Variants in CAMTA1 observed in about 807,000 individuals in gnomAD.
CAMTA1 encodes the protein calmodulin-binding transcription activator 1.
In CAMTA1, 27 loss-of-function variants were observed where a neutral mutation model predicts 170.9. That is an observed-to-expected ratio of 0.16 (90% CI 0.12 to 0.22). CAMTA1 has a LOEUF of 0.22. Among genes scored for constraint, CAMTA1 ranks in the 10% least tolerant of loss-of-function variants. The pLI, the probability that CAMTA1 is intolerant of heterozygous loss-of-function variation, is 1.00. For missense variants in CAMTA1, 1,619 were observed against 2,217.2 expected (o/e 0.73, Z 5.42); for synonymous variants, 833 against 891.5 (o/e 0.93, Z 1.17).
At position 7,310,700 on chromosome 1, in the gene CAMTA1, C is replaced by CTCTTTCTT. The variant is rs71571885; in HGVS notation, c.438+61112_438+61119dup. Among the ~76,000 whole-genome samples the CTCTTTCTT allele has an allele frequency of 8.8e-3, 464 of 52,720 alleles. 7 individuals are homozygous for CTCTTTCTT. Among genetic ancestry groups the CTCTTTCTT allele is most frequent in the Non-Finnish European group, 9.9e-3 (307 of 31,032 alleles). 34.6% of individuals were successfully genotyped at this position (52,720 alleles called of 152,430 possible). On this transcript the variant is annotated intron_variant, in intron 5 of 22. Transcript: ENST00000303635. ...TCTTTCTCTCTCTCTCTCTCTCTCT[C>CTCTTTCTT]TCTTTCTTTCTTTCTTTCTTTCTTT...
chr1:6,994,965 G>T (rs115166179), intron 3 of CAMTA1, among the ~76,000 whole-genome samples: 95 of 152,204 alleles, frequency 6.2e-4, no homozygotes, highest in Admixed American at 1.2e-3. Flanking sequence ...CATTGCACCC[G>T]GCCCGAGCTT....
chr1:7,005,048 A>G (rs1698783073), intron 3 of CAMTA1, among the ~76,000 whole-genome samples: 1 of 152,240 alleles, frequency 6.6e-6, no homozygotes, highest in Non-Finnish European at 1.5e-5. Context: ...CTGGGATTAC[A>G]GGTATGAACC....
chr1:7,680,991 G>A lies in CAMTA1; in HGVS notation c.2914+3258G>A, dbSNP rs1317660223. 6.8e-6 allele frequency among the ~76,000 whole-genome samples: 1 copy of A among 146,880 alleles called. No individual in the cohort carries two copies. Among genetic ancestry groups the A allele is most frequent in the Admixed American group, 6.8e-5 (1 of 14,796 alleles). ...GGGCGATCGTCCCCACGTTGGGGCC[G>A]GGGGGCAGGGACCCGACGTCCCCAA... On this transcript the variant is annotated intron_variant, in intron 11 of 22. Transcript: ENST00000303635. This position sits in a 1 kb window ranked among gnomAD's most constrained non-coding sequence, Gnocchi z 4.4.
In CAMTA1 at chr1:6,887,812, G is replaced by A; in HGVS notation, c.234+62602G>A. 2 of 1,494,828 alleles carry A rather than the reference G, an allele frequency of 1.3e-6. No homozygotes were observed. The highest frequency in any genetic ancestry group is 1.8e-6 in the Non-Finnish European group (2 of 1,128,014). 92.6% of individuals were successfully genotyped at this position (1,494,828 alleles called of 1,614,324 possible). On this transcript the variant is annotated intron_variant, in intron 3 of 22. Coordinates refer to ENST00000303635, the MANE Select transcript of CAMTA1 (RefSeq NM_015215.4). The surrounding 1 kb of genome is among the most constrained non-coding windows in gnomAD (Gnocchi z 4.1). The stretch of plus-strand genomic sequence containing the variant: ...GTCTGGCTTTAAGACAGTTCTATTA[G>A]TGAATTAACTGTTCTCAAAACCCCA...
chr1:6,884,543 C>G (rs1436878552), intron 3 of CAMTA1, among the ~76,000 whole-genome samples: 3 of 152,190 alleles, frequency 2.0e-5, no homozygotes, highest in African/African-American at 4.8e-5. Flanking sequence ...AATGGATGCC[C>G]CAATTCTGTA....
At position 6,823,651 on chromosome 1, in the gene CAMTA1, A is replaced by T. The variant is rs540785221; in HGVS notation, c.116-1441A>T. On this transcript the variant is annotated intron_variant, in intron 2 of 22. Transcript: ENST00000303635. ...CTATGCCCAATATTTTCCTTTTAAG[A>T]TCTTTTCCTTGAGAAGAAGTGTGTT... Among the ~76,000 whole-genome samples, 278 of 152,264 alleles carry T rather than the reference A, an allele frequency of 1.8e-3. 1 individual carries two copies. Among genetic ancestry groups the T allele is most frequent in the African/African-American group, 6.4e-3 (267 of 41,558 alleles).
chr1:6,925,947 C>G (rs979272885), intron 3 of CAMTA1, among the ~76,000 whole-genome samples: 1 of 152,196 alleles, frequency 6.6e-6, no homozygotes, highest in Non-Finnish European at 1.5e-5. Context: ...GAGGACCTGA[C>G]TTCCTCTCCT....
chr1:6,961,208 A>C (rs1025128081), intron 3 of CAMTA1, among the ~76,000 whole-genome samples: 7 of 152,200 alleles, frequency 4.6e-5, no homozygotes, highest in Admixed American at 4.6e-4. Context: ...CTTTGTTGTA[A>C]GCCGTGGAAA....
chr1:7,004,942 T>C (rs1051540521), intron 3 of CAMTA1, among the ~76,000 whole-genome samples: 1 of 152,168 alleles, frequency 6.6e-6, no homozygotes, highest in Non-Finnish European at 1.5e-5. Context: ...TAATTTTTTT[T>C]TGTGTTTTTA....
At chr1:6,948,856 C>T (rs551324648) in intron 3 of CAMTA1, among the ~76,000 whole-genome samples, 32 of 152,170 alleles carry the variant, frequency 2.1e-4, no homozygotes, top group East Asian at 5.8e-4. Flanking sequence ...CTGAGGTGAT[C>T]GAAGAAATTT....
intron 6 of CAMTA1, among the ~76,000 whole-genome samples, chr1:7,480,508 G>A: frequency 6.6e-6 from 1 of 151,772 alleles, no homozygotes; most frequent in East Asian, 1.9e-4. Context: ...TCTCCTCCAG[G>A]CCCCGATGAG....
At chr1:6,931,464 G>A (rs1417681683) in intron 3 of CAMTA1, among the ~76,000 whole-genome samples, 2 of 152,056 alleles carry the variant, frequency 1.3e-5, no homozygotes, top group Non-Finnish European at 2.9e-5. Flanking sequence ...ACTTACCGAG[G>A]GCTTAGGAAG....
At chr1:7,190,739 T>C (rs1197963437) in intron 4 of CAMTA1, among the ~76,000 whole-genome samples, 1 of 152,188 alleles carries the variant, frequency 6.6e-6, no homozygotes, top group Non-Finnish European at 1.5e-5. Context: ...GGGCCACACA[T>C]GTTTTAGGTG....
At chr1:7,492,741 A>ACGCG (rs1553180594) in intron 6 of CAMTA1, among the ~76,000 whole-genome samples, 1 of 136,136 alleles carries the variant, frequency 7.3e-6, no homozygotes, top group African/African-American at 2.9e-5. Flanking sequence ...ACATACACAC[A>ACGCG]CGCGCGCACA....
chr1:7,391,328 A>AGTGTGTGTGTGTGTGTGTGTGTGT lies in CAMTA1; in HGVS notation c.439-76495_439-76472dup, dbSNP rs35663101. 2.6e-3 allele frequency among the ~76,000 whole-genome samples: 376 copies of AGTGTGTGTGTGTGTGTGTGTGTGT among 146,992 alleles called. 1 individual carries two copies. The highest frequency in any genetic ancestry group is 9.2e-3 in the African/African-American group (366 of 39,596). On this transcript the variant is annotated intron_variant, in intron 5 of 22. Coordinates refer to ENST00000303635, the MANE Select transcript of CAMTA1 (RefSeq NM_015215.4). ...GGATGTTTTATGCATCCCTTTACACAGTGTGTGTGTGTGTGTGTGTGTGTG... is the reference window on the plus strand; with the variant it reads ...GGATGTTTTATGCATCCCTTTACACAGTGTGTGTGTGTGTGTGTGTGTGTGTGTGTGTGTGTGTGTGTGTGTGTG...
intron 6 of CAMTA1, among the ~76,000 whole-genome samples, chr1:7,527,062 G>A (rs1425108941): frequency 1.3e-5 from 2 of 152,144 alleles, no homozygotes; most frequent in Non-Finnish European, 2.9e-5. Flanking sequence ...CAGGCCAGCG[G>A]CTGCTCCTCT....
Position 6,996,713 on chromosome 1 carries a change from GAAAA to G in CAMTA1, c.235-94587_235-94584del, listed in dbSNP as rs1013041278. ...AAAAAGAAAGAAAGAAAGAAAGAAA[GAAAA>G]AAAGTCACAAACCCTCAGAAACTTA... is the stretch of plus-strand genomic sequence containing the variant. On this transcript the variant is annotated intron_variant, in intron 3 of 22. Transcript: ENST00000303635. 9.4e-5 allele frequency among the ~76,000 whole-genome samples: 14 copies of G among 149,074 alleles called. 1 individual carries two copies. Among genetic ancestry groups the G allele is most frequent in the Non-Finnish European group, 1.9e-4 (13 of 67,000 alleles).
chr1:6,800,962 T>G (rs17029856), intron 1 of CAMTA1, among the ~76,000 whole-genome samples: 9,799 of 152,322 alleles, frequency 0.064, 343 homozygotes, highest in Middle Eastern at 0.099. Context: ...GCTGAATCAT[T>G]TGCTTTCACA....
At chr1:7,392,528 T>C (rs1295856624) in intron 5 of CAMTA1, among the ~76,000 whole-genome samples, 1 of 148,330 alleles carries the variant, frequency 6.7e-6, no homozygotes, top group Non-Finnish European at 1.5e-5. Context: ...GTGCTGGGAT[T>C]ACAGGCATGA....
Sources: gnomAD v4.1 joint callset for allele counts (sites outside exome capture counted in the v4.1 genomes callset) on GRCh38, gnomAD v4.1.1 for gene constraint, Gnocchi (gnomAD v3.1) non-coding constraint, MANE v1.5 for transcripts, NCBI Gene and HGNC (gene_info 2026-07-23, HGNC 2026-07-21) for gene names.